The following ZNF544 variants were observed in gnomAD, a reference collection of about 807,000 sequenced individuals.
ZNF544 encodes zinc finger protein 544, also known as zinc finger protein AF020591.
ZNF544 carries 10 observed loss-of-function variants against 13.5 expected under a neutral mutation model. The observed-to-expected ratio is 0.74, with a 90% CI of 0.46 to 1.25. ZNF544 has a LOEUF of 1.25. ZNF544 is among the 50% of genes most tolerant of loss of function. The pLI, the probability that ZNF544 is intolerant of heterozygous loss-of-function variation, is 0.00. For synonymous variants in ZNF544, 323 were observed against 300.5 expected (o/e 1.07, Z -0.77); for missense variants, 896 against 845.6 (o/e 1.06, Z -0.74).
chr19:58,273,856 C>T (rs1388618594), intron 5 of ZNF544, among the ~76,000 whole-genome samples: 1 of 151,650 alleles, frequency 6.6e-6, no homozygotes, highest in Non-Finnish European at 1.5e-5. Context: ...AGTGCAGTGG[C>T]GTGGCCTCAG....
At chr19:58,240,634 C>T (rs948179028) in intron 3 of ZNF544, among the ~76,000 whole-genome samples, 3 of 152,058 alleles carry the variant, frequency 2.0e-5, no homozygotes, top group Admixed American at 6.5e-5. Context: ...TTGTGATGCG[C>T]GCCTGTGATC....
Position 58,260,896 on chromosome 19 carries a change from A to G in ZNF544, c.290A>G (p.Asp97Gly). Residue 97 changes from aspartate to glycine, a missense_variant, in exon 7 of 7, where the codon GAT becomes GGT. Physicochemically the swap from Asp to Gly is moderately conservative, Grantham distance 94. Coordinates refer to ENST00000687789, the MANE Select transcript of ZNF544 (RefSeq NM_014480.4). ...LEENRLNSEK[D>G]RAREELSHHV... Reference sequence around the variant, plus strand: ...GAGAATAGGTTGAATTCTGAAAAAGATCGAGCTAGGGAAGAACTATCCCAC... The same window carrying G: ...GAGAATAGGTTGAATTCTGAAAAAGGTCGAGCTAGGGAAGAACTATCCCAC... 1 of 1,611,384 alleles carries G rather than the reference A, an allele frequency of 6.2e-7. No individual in the cohort carries two copies. The highest frequency in any genetic ancestry group is 8.5e-7 in the Non-Finnish European group (1 of 1,179,250).
At chr19:58,270,786 G>A (rs1309378771) in intron 5 of ZNF544, among the ~76,000 whole-genome samples, 3 of 152,178 alleles carry the variant, frequency 2.0e-5, no homozygotes, top group Non-Finnish European at 4.4e-5. Context: ...ATCCTTTTAG[G>A]AAGTAGGCTT....
chr19:58,244,309 G>A (rs146659519), intron 4 of ZNF544, among the ~76,000 whole-genome samples: 3 of 151,896 alleles, frequency 2.0e-5, no homozygotes, highest in African/African-American at 2.4e-5. Flanking sequence ...CTGTGCTTCC[G>A]ACATTCTGCT....
chr19:58,254,137 T>C lies in ZNF544; in HGVS notation c.245-6714T>C, dbSNP rs901168406. Among the ~76,000 whole-genome samples, 3 of 151,684 alleles carry C rather than the reference T, an allele frequency of 2.0e-5. No individual in the cohort carries two copies. In the South Asian group the frequency reaches 6.2e-4, roughly 32 times the overall value. On this transcript the variant is annotated intron_variant, in intron 6 of 6. Transcript: ENST00000687789. ...TACTTGAGAGGCTGAGGCAGGAGAA[T>C]GGCGTGAACCCGGGAGGCATAGCTT...
At chr19:58,269,142 A>C (rs1166912063) in intron 5 of ZNF544, among the ~76,000 whole-genome samples, 1 of 152,196 alleles carries the variant, frequency 6.6e-6, no homozygotes, top group Non-Finnish European at 1.5e-5. Flanking sequence ...CACGACTAAA[A>C]ACAGATGGCA....
At chr19:58,244,535 A>G (rs2044642150) in intron 4 of ZNF544, among the ~76,000 whole-genome samples, 1 of 151,862 alleles carries the variant, frequency 6.6e-6, no homozygotes, top group Non-Finnish European at 1.5e-5. Flanking sequence ...TGTAGTGAGG[A>G]GAGAGAGTGA....
chr19:58,240,418 C>T (rs1410715541), intron 3 of ZNF544, among the ~76,000 whole-genome samples: 3 of 151,892 alleles, frequency 2.0e-5, no homozygotes, highest in East Asian at 3.9e-4. Context: ...CCACCACGCC[C>T]GTCTAATTTT....
At chr19:58,233,387 A>G (rs1806892398) in intron 3 of ZNF544, among the ~76,000 whole-genome samples, 2 of 152,202 alleles carry the variant, frequency 1.3e-5, no homozygotes. Flanking sequence ...TATAGGAACA[A>G]GATACATTAA....
chr19:58,255,813 GAA>G (rs1480687300), intron 6 of ZNF544, among the ~76,000 whole-genome samples: 1 of 152,346 alleles, frequency 6.6e-6, no homozygotes, highest in East Asian at 1.9e-4. Context: ...GGAAAATAGA[GAA>G]AAGAGTCTTT....
chr19:58,273,576 G>C (rs1364790272), intron 5 of ZNF544, among the ~76,000 whole-genome samples: 1 of 151,416 alleles, frequency 6.6e-6, no homozygotes, highest in African/African-American at 2.4e-5. Flanking sequence ...TGTAATCCCA[G>C]CTATTTGGGA....
At chr19:58,256,652 T>A (rs1030652300) in intron 6 of ZNF544, among the ~76,000 whole-genome samples, 2 of 152,240 alleles carry the variant, frequency 1.3e-5, no homozygotes, top group Non-Finnish European at 2.9e-5. Flanking sequence ...TTTCTGTTGT[T>A]ATCTCTTTGA....
At position 58,262,498 on chromosome 19, in the gene ZNF544, C is replaced by A. The variant is rs376717979; in HGVS notation, c.1892C>A (p.Pro631Gln). The change falls in exon 7 of 7, where the codon CCG (proline) becomes CAG (glutamine). Residue 631 changes from proline (P) to glutamine (Q), a missense_variant. By Grantham distance (76) the Pro-to-Gln change is moderately conservative. Transcript: ENST00000687789. ...CTGCAAATTCACACTGGGGAGAAGC[C>A]GTACAAATGCAATCAGTGCAATAAA... Reference protein sequence around the residue: ...RHLQIHTGEKPYKCNQCNKAF... With the variant: ...RHLQIHTGEKQYKCNQCNKAF... The A allele has an allele frequency of 2.5e-6, 4 of 1,614,018 alleles. No homozygotes were observed. The highest frequency in any genetic ancestry group is 3.4e-6 in the Non-Finnish European group (4 of 1,180,026).
chr19:58,238,478 G>C (rs146361951), intron 3 of ZNF544, among the ~76,000 whole-genome samples: 1 of 152,186 alleles, frequency 6.6e-6, no homozygotes, highest in Non-Finnish European at 1.5e-5. Flanking sequence ...GGTGCATAGT[G>C]CCTGGAAGAC....
intron 6 of ZNF544, among the ~76,000 whole-genome samples, chr19:58,253,590 C>T (rs1407166235): frequency 1.3e-5 from 2 of 152,148 alleles, no homozygotes; most frequent in Non-Finnish European, 2.9e-5. Context: ...AGGCATGCAC[C>T]ACCACATCCA....
chr19:58,274,561 T>G (rs2051070618), intron 5 of ZNF544, among the ~76,000 whole-genome samples: 1 of 152,308 alleles, frequency 6.6e-6, no homozygotes, highest in African/African-American at 2.4e-5. Context: ...GACTTCTGGC[T>G]TCCACAACTG....
intron 3 of ZNF544, among the ~76,000 whole-genome samples, chr19:58,232,378 G>A (rs867433801): frequency 3.0e-5 from 4 of 131,264 alleles, no homozygotes; most frequent in African/African-American, 1.2e-4. Context: ...TTGAGACAGG[G>A]TCTCACTCTG....
intron 3 of ZNF544, among the ~76,000 whole-genome samples, chr19:58,231,299 C>T (rs77377117): frequency 0.026 from 3,910 of 152,284 alleles, 77 homozygotes; most frequent in Non-Finnish European, 0.041. Flanking sequence ...TCTCACTCCC[C>T]AGCCACGAGG....
At chr19:58,253,847 A>G (rs1336978958) in intron 6 of ZNF544, among the ~76,000 whole-genome samples, 1 of 152,250 alleles carries the variant, frequency 6.6e-6, no homozygotes, top group East Asian at 1.9e-4. Flanking sequence ...ACCTTAAAAT[A>G]TCTTGCAAAG....
Sources: allele counts gnomAD v4.1 joint callset (sites outside exome capture counted in the v4.1 genomes callset), GRCh38; gene constraint gnomAD v4.1.1; transcripts MANE v1.5; gene names NCBI Gene and HGNC (gene_info 2026-07-23, HGNC 2026-07-21).